The following RGPD1 variants were observed in gnomAD, a reference collection of about 807,000 sequenced individuals.
RGPD1 encodes the protein RANBP2 like and GRIP domain containing 1.
In RGPD1, 7 loss-of-function variants were observed where a neutral mutation model predicts 40.6. The observed-to-expected ratio is 0.17, with a 90% CI of 0.10 to 0.32. The LOEUF is 0.32. RGPD1 is among the 10% of genes least tolerant of loss of function. The pLI is 1.00. For synonymous variants in RGPD1, 24 were observed against 167.0 expected, an observed-to-expected ratio of 0.14 and a Z score of 6.60; for missense variants, 50 against 472.5, an observed-to-expected ratio of 0.11 and a Z score of 8.29.
chr2:86,936,133 G>C (rs377691563), intron 1 of RGPD1, among the ~76,000 whole-genome samples: 4 of 134,996 alleles, frequency 3.0e-5, no homozygotes, highest in Admixed American at 2.9e-4. Context: ...AGCCTCCCAC[G>C]TAGCTAGGAC....
Position 87,013,477 on chromosome 2 carries a change from G to A in RGPD1, c.*930G>A, listed in dbSNP as rs115029613. 3,392 of 157,578 alleles carry A rather than the reference G, an allele frequency of 0.022. 657 individuals are homozygous for A. The highest frequency in any genetic ancestry group is 0.031 in the South Asian group (291 of 9,482). The allele number at this position is 157,578 out of a possible 1,614,324, so 9.8% of individuals were successfully genotyped here. ...TAAACAATATAAAATGAGATCACTT[G>A]ATGATACATGGATACATGTTACATA... On this transcript the variant is annotated 3_prime_UTR_variant, in exon 23 of 23. Coordinates refer to ENST00000641458, the MANE Select transcript of RGPD1 (RefSeq NM_001382344.1).
intron 1 of RGPD1, among the ~76,000 whole-genome samples, chr2:86,925,636 CTA>C: frequency 6.6e-6 from 1 of 152,064 alleles, no homozygotes; most frequent in Non-Finnish European, 1.5e-5. Flanking sequence ...AAAATGAAGC[CTA>C]TGATTTATAT....
upstream of RGPD1, among the ~76,000 whole-genome samples, chr2:86,937,132 C>T (rs1679408154): frequency 8.4e-6 from 1 of 118,854 alleles, no homozygotes; most frequent in Middle Eastern, 3.8e-3. Context: ...ATATCAGAAT[C>T]CCTTTATTTT....
intron 1 of RGPD1, among the ~76,000 whole-genome samples, chr2:86,929,479 C>G (rs1573579996): frequency 1.3e-5 from 2 of 151,952 alleles, no homozygotes; most frequent in Non-Finnish European, 2.9e-5. Flanking sequence ...AATAACCAGG[C>G]TAGCATTTGT....
intron 1 of RGPD1, among the ~76,000 whole-genome samples, chr2:86,943,193 G>A (rs1422510559): frequency 1.3e-5 from 2 of 150,852 alleles, no homozygotes; most frequent in African/African-American, 4.9e-5. Flanking sequence ...AATGACAGGG[G>A]AAGTCCCCTT....
chr2:86,941,384 C>G (rs1324997962), upstream of RGPD1, among the ~76,000 whole-genome samples: 3 of 149,148 alleles, frequency 2.0e-5, no homozygotes, highest in African/African-American at 4.9e-5. Context: ...GGGGCTATTC[C>G]TTTTCCTTTT....
intron 1 of RGPD1, among the ~76,000 whole-genome samples, chr2:86,926,538 C>A (rs1678521941): frequency 1.3e-5 from 2 of 152,162 alleles, no homozygotes; most frequent in South Asian, 4.1e-4. Context: ...CCCCACCCTT[C>A]CCTCACAGCT....
chr2:86,945,237 C>CT (rs772746028), intron 1 of RGPD1, among the ~76,000 whole-genome samples: 15 of 148,996 alleles, frequency 1.0e-4, no homozygotes, highest in Admixed American at 2.7e-4. Context: ...CACTTAGAGT[C>CT]TTTTTTTTTT....
At position 86,942,261 on chromosome 2, in the gene RGPD1, G is replaced by A. The variant is rs1366227122; in HGVS notation, c.25G>A (p.Glu9Lys). MRRSKAYG[E>K]RYVASVQGSA... ...GATGAGGCGCAGCAAGGCCTACGGG[G>A]AGCGGTACGTCGCCTCGGTGCAGGG... Residue 9 changes from glutamate to lysine, a missense_variant, in exon 1 of 23, where the codon GAG becomes AAG. Coordinates refer to ENST00000641458, the MANE Select transcript of RGPD1 (RefSeq NM_001382344.1). 5.6e-6 allele frequency: 9 copies of A among 1,607,522 alleles called. No individual in the cohort carries two copies. In the South Asian group the frequency reaches 7.8e-5, roughly 14 times the overall value.
intron 1 of RGPD1, among the ~76,000 whole-genome samples, chr2:86,932,015 C>T (rs1395802937): frequency 2.0e-5 from 3 of 147,342 alleles, no homozygotes; most frequent in Non-Finnish European, 4.5e-5. Flanking sequence ...AACATATAGA[C>T]AGAGAAGATA....
chr2:86,914,470 GGCGGCCTCGGCCTCGGCCTGGCCGGGCT>G (rs1677655804), intron 1 of RGPD1, among the ~76,000 whole-genome samples: 1 of 12,568 alleles, frequency 8.0e-5, no homozygotes, highest in Non-Finnish European at 1.3e-4. Flanking sequence ...CGGCGGCGGC[GGCGGCCTCGGCCTCGGCCTGGCCGGGCT>G]GCGGCGGCGG....
At chr2:86,925,207 A>G (rs1316044658) in intron 1 of RGPD1, among the ~76,000 whole-genome samples, 2 of 151,206 alleles carry the variant, frequency 1.3e-5, no homozygotes, top group African/African-American at 2.4e-5. Context: ...TGTGGCTTTA[A>G]CAGTGTCTTT....
intron 1 of RGPD1, among the ~76,000 whole-genome samples, chr2:86,925,638 A>G (rs981290230): frequency 6.6e-6 from 1 of 152,258 alleles, no homozygotes; most frequent in African/African-American, 2.4e-5. Context: ...AATGAAGCCT[A>G]TGATTTATAT....
intron 22 of RGPD1, among the ~76,000 whole-genome samples, chr2:86,998,468 C>T (rs1410656965): frequency 4.9e-5 from 1 of 20,312 alleles, no homozygotes; most frequent in Non-Finnish European, 7.5e-5. Context: ...TGATCTGTCA[C>T]GCCACTGTAC....
intron 1 of RGPD1, 44 bp downstream of exon 1, chr2:86,942,352 C>T (rs549446455): frequency 7.5e-6 from 7 of 929,756 alleles, no homozygotes; most frequent in East Asian, 9.5e-5. Flanking sequence ...CCTGGCCGGG[C>T]GGCGGCCTCG....
rs1416930648 is a variant in RGPD1, at chr2:86,914,911, A to ACCTGGCCGGGCGGCGGCGGCGGCGGC, written c.72+990_72+991insCCTGGCCGGGCGGCGGCGGCGGCGGC. ...CCTCGACCTGGCCGGGCGGCGGCGG[A>ACCTGGCCGGGCGGCGGCGGCGGCGGC]GGCGGCGGCCTCGACCTGGCCGGGC... is the stretch of plus-strand genomic sequence containing the variant. On this transcript the variant is annotated intron_variant, in intron 1 of 22. Coordinates refer to the RGPD1 transcript ENST00000398193. 8.0e-5 allele frequency among the ~76,000 whole-genome samples: 2 copies of ACCTGGCCGGGCGGCGGCGGCGGCGGC among 25,028 alleles called. 1 individual carries two copies. Among genetic ancestry groups the ACCTGGCCGGGCGGCGGCGGCGGCGGC allele is most frequent in the African/African-American group, 5.5e-4 (2 of 3,624 alleles). The allele number at this position is 25,028 out of a possible 152,430, so 16.4% of individuals were successfully genotyped here.
At chr2:86,931,904 G>A (rs1481778771) in intron 1 of RGPD1, among the ~76,000 whole-genome samples, 1 of 148,038 alleles carries the variant, frequency 6.8e-6, no homozygotes, top group Non-Finnish European at 1.5e-5. Context: ...TAGACATATA[G>A]ACAGAGAAGA....
At chr2:86,949,763 C>CTTT (rs1240035878) in intron 1 of RGPD1, among the ~76,000 whole-genome samples, 1 of 18,202 alleles carries the variant, frequency 5.5e-5, no homozygotes, top group Non-Finnish European at 1.1e-4. Flanking sequence ...GTTGTATCAG[C>CTTT]TTTTTTTTTT....
intron 1 of RGPD1, among the ~76,000 whole-genome samples, chr2:86,923,268 A>T (rs562260965): frequency 6.6e-6 from 1 of 151,622 alleles, no homozygotes; most frequent in East Asian, 1.9e-4. Context: ...CCAACTCATG[A>T]CCTCAAGTGA....
Sources: allele counts gnomAD v4.1 joint callset (sites outside exome capture counted in the v4.1 genomes callset), GRCh38; gene constraint gnomAD v4.1.1; transcripts MANE v1.5; gene names NCBI Gene and HGNC (gene_info 2026-07-23, HGNC 2026-07-21).